The following DNTT variants were observed in gnomAD, a reference collection of about 807,000 sequenced individuals.
DNTT encodes the protein nucleosidetriphosphate:DNA deoxynucleotidylexotransferase.
DNTT carries 47 observed loss-of-function variants against 60.9 expected under a neutral mutation model. The ratio of observed to expected loss-of-function variants is 0.77; its 90% CI spans 0.61 to 0.98. DNTT has a LOEUF of 0.98. DNTT is among the 50% of genes least tolerant of loss of function. DNTT has a pLI of 0.00. For missense variants in DNTT, 665 were observed against 627.5 expected, an observed-to-expected ratio of 1.06 and a Z score of -0.64; for synonymous variants, 224 against 221.2, an observed-to-expected ratio of 1.01 and a Z score of -0.11.
intron 8 of DNTT, 54 bp downstream of exon 8, chr10:96,328,884 A>G (rs41291620): frequency 6.5e-7 from 1 of 1,529,008 alleles, no homozygotes; most frequent in African/African-American, 1.4e-5. Context: ...TTAACACTTG[A>G]ATTTTGCACA....
At chr10:96,308,287 T>A (rs981515560) in intron 1 of DNTT, among the ~76,000 whole-genome samples, 1 of 152,216 alleles carries the variant, frequency 6.6e-6, no homozygotes, top group Non-Finnish European at 1.5e-5. Flanking sequence ...GGTGGAGCTT[T>A]GCTAACATTT....
chr10:96,326,182 A>T (rs139241139), intron 6 of DNTT, among the ~76,000 whole-genome samples: 5 of 151,416 alleles, frequency 3.3e-5, no homozygotes, highest in Admixed American at 2.0e-4. Context: ...GTTTGTGGTT[A>T]CCCAGTGAGT....
intron 9 of DNTT, among the ~76,000 whole-genome samples, chr10:96,334,168 C>G (rs1032761620): frequency 6.6e-6 from 1 of 152,150 alleles, no homozygotes; most frequent in Non-Finnish European, 1.5e-5. Context: ...TTGAGTTCAT[C>G]CCAGACCTGG....
rs34863236 is a variant in DNTT, at chr10:96,330,316, C to CTT, written c.1113+1502_1113+1503dup. On this transcript the variant is annotated intron_variant, in intron 8 of 10. Transcript: ENST00000371174. ...ACTGTTAGGAATCCAGCTTTGTGGG[C>CTT]TTTTTTTTTTTTTTTTTAAGGGAAG... Among the ~76,000 whole-genome samples the CTT allele has an allele frequency of 3.6e-3, 505 of 140,446 alleles. 3 individuals carry two copies. Among genetic ancestry groups the CTT allele is most frequent in the Middle Eastern group, 0.011 (3 of 270 alleles). 92.1% of individuals were successfully genotyped at this position (140,446 alleles called of 152,430 possible).
At position 96,304,490 on chromosome 10, in the gene DNTT, C is replaced by T. The variant is rs1844607607; in HGVS notation, c.-8C>T. 2 of 1,613,300 alleles carry T rather than the reference C, an allele frequency of 1.2e-6. No homozygotes were observed. Among genetic ancestry groups the T allele is most frequent in the South Asian group, 1.1e-5 (1 of 91,048 alleles). ...TGGGCCAGCCAGAGGCAGCAGCAGC[C>T]TCTTCCCATGGATCCACCACGAGCG... On this transcript the variant is annotated 5_prime_UTR_variant, in exon 1 of 11. Transcript: ENST00000371174.
intron 6 of DNTT, among the ~76,000 whole-genome samples, chr10:96,325,073 C>T (rs1222127559): frequency 1.3e-5 from 2 of 152,124 alleles, no homozygotes; most frequent in Non-Finnish European, 2.9e-5. Context: ...AGCCTGGTCA[C>T]TTCCATTTAT....
chr10:96,307,456 G>A (rs1844653323), intron 1 of DNTT, among the ~76,000 whole-genome samples: 1 of 139,912 alleles, frequency 7.1e-6, no homozygotes, highest in Admixed American at 7.6e-5. Flanking sequence ...CCAGGTTCAA[G>A]CGATACTCCT....
rs747108246 is a variant in DNTT at position 96,328,780 on chromosome 10, G to C, written c.1063G>C (p.Glu355Gln). Residue 355 changes from glutamate to glutamine, a missense_variant, in exon 8 of 11, where the codon GAG (glutamate) becomes CAG (glutamine). Transcript: ENST00000371174. ...TTTAATTACCAGCCCAGGATCAACA[G>C]AGGATGAAGAGCAACTTTTACAGAA... ...DFLITSPGST[E>Q]DEEQLLQKVM... 1 of 1,613,992 alleles carries C rather than the reference G, an allele frequency of 6.2e-7. No individual in the cohort carries two copies. The highest frequency in any genetic ancestry group is 2.2e-5 in the East Asian group (1 of 44,850).
chr10:96,327,523 C>G lies in DNTT; in HGVS notation c.930C>G (p.Ala310=). Residue 310 remains alanine (A), a synonymous_variant, in exon 7 of 11, where the codon GCC becomes GCG. Transcript: ENST00000371174. The part of the protein sequence containing the change: ...VSCVTRAEAE[A]VSVLVKEAVW... ...GTGTGACCAGGGCAGAAGCAGAGGC[C>G]GTCAGTGTGCTGGTTAAAGAGGCTG... 1 of 1,614,038 alleles carries G rather than the reference C, an allele frequency of 6.2e-7. No homozygotes were observed. Among genetic ancestry groups the G allele is most frequent in the South Asian group, 1.1e-5 (1 of 91,068 alleles).
In DNTT at chr10:96,304,462, A is replaced by T; in HGVS notation, c.-36A>T. On this transcript the variant is annotated 5_prime_UTR_variant, in exon 1 of 11. Transcript: ENST00000371174. ...CTCCCTCCCTTCTGGAGACACCACC[A>T]GATGGGCCAGCCAGAGGCAGCAGCA... is the stretch of plus-strand genomic sequence containing the variant. 4 of 1,611,976 alleles carry T rather than the reference A, an allele frequency of 2.5e-6. No homozygotes were observed. The highest frequency in any genetic ancestry group is 2.5e-6 in the Non-Finnish European group (3 of 1,179,740).
chr10:96,337,865 A>C (rs1845092381), intron 10 of DNTT, among the ~76,000 whole-genome samples: 1 of 152,216 alleles, frequency 6.6e-6, no homozygotes, highest in Non-Finnish European at 1.5e-5. Flanking sequence ...TTGTTCTAAT[A>C]AACAGCTGTG....
chr10:96,307,731 A>ATATATATG (rs1175889628), intron 1 of DNTT, among the ~76,000 whole-genome samples: 2 of 111,050 alleles, frequency 1.8e-5, no homozygotes, highest in African/African-American at 5.8e-5. Flanking sequence ...ATATATATAT[A>ATATATATG]TAAGCATATA....
At chr10:96,329,423 A>G (rs138672358) in intron 8 of DNTT, among the ~76,000 whole-genome samples, 29 of 152,312 alleles carry the variant, frequency 1.9e-4, no homozygotes, top group Admixed American at 6.5e-4. Context: ...CCAGAGCCAC[A>G]TGCAAGCCCT....
intron 1 of DNTT, among the ~76,000 whole-genome samples, chr10:96,310,233 C>T (rs1210403725): frequency 6.6e-6 from 1 of 152,194 alleles, no homozygotes; most frequent in Admixed American, 6.5e-5. Context: ...TTTCCTATTG[C>T]CATCATTATG....
chr10:96,307,703 G>GTATATATA (rs1344781767), intron 1 of DNTT, among the ~76,000 whole-genome samples: 31 of 35,290 alleles, frequency 8.8e-4, no homozygotes, highest in African/African-American at 2.4e-3. Flanking sequence ...GTGTGTGTGT[G>GTATATATA]TGTATATATA....
At chr10:96,321,835 A>G (rs949309937) in intron 4 of DNTT, among the ~76,000 whole-genome samples, 1 of 152,172 alleles carries the variant, frequency 6.6e-6, no homozygotes, top group Non-Finnish European at 1.5e-5. Flanking sequence ...ACTCTAACAT[A>G]TAAATAGATA....
chr10:96,308,968 C>T (rs1844676123), intron 1 of DNTT, among the ~76,000 whole-genome samples: 1 of 152,176 alleles, frequency 6.6e-6, no homozygotes, highest in Admixed American at 6.5e-5. Flanking sequence ...TGGATGTATA[C>T]GTGCAGGTCA....
intron 6 of DNTT, among the ~76,000 whole-genome samples, chr10:96,324,696 C>T (rs1775430788): frequency 6.6e-6 from 1 of 152,250 alleles, no homozygotes; most frequent in Non-Finnish European, 1.5e-5. Context: ...CAAAGGCGCC[C>T]TCCACTGTGG....
At chr10:96,322,779 T>G (rs1274877176) in intron 5 of DNTT, 51 bp downstream of exon 5, 2 of 1,454,082 alleles carry the variant, frequency 1.4e-6, no homozygotes, top group Non-Finnish European at 1.9e-6. Context: ...GTTAATCTTA[T>G]TACTTATTCT....
Sources: allele counts gnomAD v4.1 joint callset (sites outside exome capture counted in the v4.1 genomes callset), GRCh38; gene constraint gnomAD v4.1.1; transcripts MANE v1.5; gene names NCBI Gene and HGNC (gene_info 2026-07-23, HGNC 2026-07-21).